The following RYR2 variants were observed in gnomAD, a reference collection of about 807,000 sequenced individuals.
RYR2 encodes cardiac muscle ryanodine receptor-calcium release channel.
In RYR2, 227 loss-of-function variants were observed where a neutral mutation model predicts 601.1. The ratio of observed to expected loss-of-function variants is 0.38; its 90% CI spans 0.34 to 0.42. The LOEUF is 0.42. Ranked by LOEUF, RYR2 falls within the 10% of genes least tolerant of loss-of-function variation. The pLI is 1.00. For missense variants in RYR2, 4,646 were observed against 6,156.5 expected (o/e 0.75, Z 8.21); for synonymous variants, 2,223 against 2,175.1 (o/e 1.02, Z -0.61).
intron 8 of RYR2, among the ~76,000 whole-genome samples, chr1:237,380,393 TA>T (rs1558718117): frequency 0.035 from 1,438 of 40,666 alleles, 155 homozygotes; most frequent in Admixed American, 0.056. Flanking sequence ...TATATATATA[TA>T]TATATATATA....
At chr1:237,423,903 A>AT (rs1705848510) in intron 12 of RYR2, among the ~76,000 whole-genome samples, 1 of 152,194 alleles carries the variant, frequency 6.6e-6, no homozygotes, top group Admixed American at 6.5e-5. Context: ...ATACTTCCGC[A>AT]TGGCTGGGAA....
intron 8 of RYR2, among the ~76,000 whole-genome samples, chr1:237,379,656 A>T (rs1381957475): frequency 6.6e-6 from 1 of 152,100 alleles, no homozygotes; most frequent in South Asian, 2.1e-4. Flanking sequence ...TTGAGACAGG[A>T]TCTTGCCCTG....
chr1:237,381,008 G>A (rs749985447), intron 8 of RYR2, among the ~76,000 whole-genome samples: 1 of 152,072 alleles, frequency 6.6e-6, no homozygotes, highest in Non-Finnish European at 1.5e-5. Context: ...AACCCAGGAG[G>A]CAGATGTTGC....
rs184640069 is a variant in RYR2 at position 237,757,539 on chromosome 1, G to T, written c.11246-158G>T. Among the ~76,000 whole-genome samples, 1,707 of 152,206 alleles carry T rather than the reference G, an allele frequency of 0.011. 17 individuals carry two copies. Among genetic ancestry groups the T allele is most frequent in the Middle Eastern group, 0.02 (6 of 294 alleles). ...GATGCCAAATATGCATTATTATTAT[G>T]TTAGCATTTTTTGGAACATAAGTCA... On this transcript the variant is annotated intron_variant, in intron 81 of 104. Coordinates refer to ENST00000366574, the MANE Select transcript of RYR2 (RefSeq NM_001035.3).
chr1:237,139,584 A>G (rs1284765817), intron 1 of RYR2, among the ~76,000 whole-genome samples: 2 of 152,226 alleles, frequency 1.3e-5, no homozygotes, highest in Non-Finnish European at 2.9e-5. Flanking sequence ...AGTGAGTGGT[A>G]GAGAGGAAAG....
At chr1:237,488,385 A>G (rs930325449) in intron 17 of RYR2, among the ~76,000 whole-genome samples, 2 of 152,186 alleles carry the variant, frequency 1.3e-5, no homozygotes, top group African/African-American at 4.8e-5. Flanking sequence ...TTTCTCAAAG[A>G]AAGTTCGTCC....
chr1:237,288,165 T>C (rs1309629863), intron 2 of RYR2, among the ~76,000 whole-genome samples: 3 of 152,194 alleles, frequency 2.0e-5, no homozygotes, highest in Admixed American at 6.5e-5. Context: ...GATGTGAACC[T>C]TCTATGAGTC....
intron 10 of RYR2, among the ~76,000 whole-genome samples, chr1:237,397,914 G>A (rs10925404): frequency 6.6e-6 from 1 of 151,706 alleles, no homozygotes; most frequent in South Asian, 2.1e-4. Context: ...GTAGAGACAG[G>A]GTTTCACCAT....
intron 29 of RYR2, among the ~76,000 whole-genome samples, chr1:237,579,116 T>C (rs929048715): frequency 4.1e-4 from 63 of 152,300 alleles, no homozygotes; most frequent in African/African-American, 1.5e-3. Context: ...AGTTCATTTA[T>C]GATCTAAGCC....
At chr1:237,632,519 C>T (rs572792118) in intron 42 of RYR2, among the ~76,000 whole-genome samples, 3 of 151,934 alleles carry the variant, frequency 2.0e-5, no homozygotes, top group Admixed American at 1.3e-4. Context: ...CTCAGCCTGC[C>T]GAGTGGCTGG....
At chr1:237,416,982 A>T in intron 10 of RYR2, 67 bp from the exon 11 acceptor site, 2 of 1,436,418 alleles carry the variant, frequency 1.4e-6, no homozygotes, top group Non-Finnish European at 2.0e-6. Flanking sequence ...TAGCTTCAAA[A>T]AATTAGAGTC....
Position 237,487,037 on chromosome 1 carries a change from AT to A in RYR2, c.1709-4762del, listed in dbSNP as rs538111384. On this transcript the variant is annotated intron_variant, in intron 17 of 104. Transcript: ENST00000366574. ...GCATTATTAGTTGTAGTTAGTTGAA[AT>A]TTTTTTAAGTAATTTGTAGTATATT... is the stretch of plus-strand genomic sequence containing the variant. 3.5e-3 allele frequency among the ~76,000 whole-genome samples: 528 copies of A among 152,210 alleles called. 6 individuals carry two copies. Among genetic ancestry groups the A allele is most frequent in the African/African-American group, 0.012 (511 of 41,548 alleles).
In RYR2 at chr1:237,411,903, G is replaced by A. The variant is rs138716590; in HGVS notation, c.774-5146G>A. Among the ~76,000 whole-genome samples the A allele has an allele frequency of 7.2e-3, 1,102 of 152,248 alleles. 16 individuals are homozygous for A. The highest frequency in any genetic ancestry group is 8.8e-3 in the Non-Finnish European group (599 of 68,008). On this transcript the variant is annotated intron_variant, in intron 10 of 104. Coordinates refer to ENST00000366574, the MANE Select transcript of RYR2 (RefSeq NM_001035.3). ...GGAAGTGGTTTCCTTGCAGGTTGGAGGTGTCGCTTACAATGTGCAATCTTT... is the reference window on the plus strand; with the variant it reads ...GGAAGTGGTTTCCTTGCAGGTTGGAAGTGTCGCTTACAATGTGCAATCTTT...
intron 24 of RYR2, among the ~76,000 whole-genome samples, chr1:237,518,821 T>C (rs1008127773): frequency 6.6e-6 from 1 of 152,224 alleles, no homozygotes; most frequent in African/African-American, 2.4e-5. Context: ...TTTTAGTTCC[T>C]TGACAAGTTT....
intron 2 of RYR2, among the ~76,000 whole-genome samples, chr1:237,313,033 A>G (rs1694727204): frequency 6.7e-6 from 1 of 150,192 alleles, no homozygotes; most frequent in Non-Finnish European, 1.5e-5. Context: ...TATGAAGCAT[A>G]TTCAGTTGCA....
intron 10 of RYR2, among the ~76,000 whole-genome samples, chr1:237,416,237 CTG>C (rs1704967730): frequency 6.6e-6 from 1 of 152,136 alleles, no homozygotes; most frequent in Admixed American, 6.5e-5. Flanking sequence ...CATGGTATTA[CTG>C]CTGTCTGTGA....
At chr1:237,341,779 G>C (rs751660931) in intron 3 of RYR2, 3 of 431,556 alleles carry the variant, frequency 7.0e-6, no homozygotes, top group Non-Finnish European at 1.4e-5. Flanking sequence ...GAGCTTTTTT[G>C]TCTGTTAAAT....
rs112417956 is a variant in RYR2, at chr1:237,140,217, C to T, written c.48+97648C>T. Among the ~76,000 whole-genome samples, 308 of 152,278 alleles carry T rather than the reference C, an allele frequency of 2.0e-3. 2 individuals are homozygous for T. The highest frequency in any genetic ancestry group is 7.1e-3 in the African/African-American group (296 of 41,548). On this transcript the variant is annotated intron_variant, in intron 1 of 104. Coordinates refer to ENST00000366574, the MANE Select transcript of RYR2 (RefSeq NM_001035.3). ...TATTGTTTTATTTCATTTATAGCTACATTTGAATATCTGTTTATCAGCTTT... is the reference window on the plus strand; with the variant it reads ...TATTGTTTTATTTCATTTATAGCTATATTTGAATATCTGTTTATCAGCTTT...
intron 1 of RYR2, among the ~76,000 whole-genome samples, chr1:237,186,438 T>C (rs6683225): frequency 0.51 from 77,591 of 152,072 alleles, 20,098 homozygotes; most frequent in East Asian, 0.64. Flanking sequence ...GACATCTTAG[T>C]GTCTGTTTAA....
Sources: gnomAD v4.1 joint callset for allele counts (sites outside exome capture counted in the v4.1 genomes callset) on GRCh38, gnomAD v4.1.1 for gene constraint, MANE v1.5 for transcripts, NCBI Gene and HGNC (gene_info 2026-07-23, HGNC 2026-07-21) for gene names.